ZFAND3: variants seen among roughly 807,000 people sequenced by gnomAD.
ZFAND3 encodes zinc finger AN1-type containing 3.
ZFAND3 carries 10 observed loss-of-function variants against 29.6 expected under a neutral mutation model. The observed-to-expected ratio is 0.34, with a 90% CI of 0.21 to 0.57. ZFAND3 has a LOEUF of 0.57. Ranked by LOEUF, ZFAND3 falls within the 20% of genes least tolerant of loss-of-function variation. The probability of loss-of-function intolerance (pLI) is 0.86; values close to 1 mark genes in which losing one functional copy is unlikely to be tolerated. For synonymous variants in ZFAND3, 128 were observed against 112.6 expected (o/e 1.14, Z -0.87); for missense variants, 230 against 304.5 (o/e 0.76, Z 1.82).
chr6:37,831,302 G>A (rs889617963), intron 1 of ZFAND3, among the ~76,000 whole-genome samples: 1 of 152,162 alleles, frequency 6.6e-6, no homozygotes, highest in African/African-American at 2.4e-5. Flanking sequence ...ACCTCATATG[G>A]GAAATTTGCA....
intron 2 of ZFAND3, among the ~76,000 whole-genome samples, chr6:37,965,570 C>CT (rs11294675): frequency 3.1e-4 from 46 of 148,050 alleles, no homozygotes; most frequent in African/African-American, 4.7e-4. Context: ...GGTTGTCATT[C>CT]TTTTTTTTTT....
intron 2 of ZFAND3, among the ~76,000 whole-genome samples, chr6:37,930,737 TA>T (rs1295053929): frequency 1.3e-5 from 2 of 152,222 alleles, no homozygotes; most frequent in African/African-American, 4.8e-5. Flanking sequence ...TTTTTATTTT[TA>T]CTTTTTAAAA....
intron 1 of ZFAND3, among the ~76,000 whole-genome samples, chr6:37,851,073 T>C (rs1444232395): frequency 6.7e-6 from 1 of 150,184 alleles, no homozygotes; most frequent in Non-Finnish European, 1.5e-5. Context: ...TTTGAGACAG[T>C]GTCTCGCACT....
intron 2 of ZFAND3, among the ~76,000 whole-genome samples, chr6:37,962,120 A>AGAAG (rs1219166881): frequency 3.3e-5 from 5 of 152,270 alleles, no homozygotes; most frequent in African/African-American, 1.2e-4. Context: ...AAGATAACAC[A>AGAAG]GAAGGAATTC....
At chr6:37,823,807 G>C (rs547214134) in intron 1 of ZFAND3, among the ~76,000 whole-genome samples, 1 of 151,546 alleles carries the variant, frequency 6.6e-6, no homozygotes, top group Admixed American at 6.6e-5. Context: ...TTTTTGGGGG[G>C]GGGTAGGAAG....
chr6:38,110,556 G>A (rs1402741432), intron 4 of ZFAND3, among the ~76,000 whole-genome samples: 5 of 152,166 alleles, frequency 3.3e-5, no homozygotes, highest in Admixed American at 6.5e-5. Flanking sequence ...AGGAGAAACA[G>A]CAGTGATGTG....
chr6:37,829,950 G>C (rs1326318607), intron 1 of ZFAND3, among the ~76,000 whole-genome samples: 1 of 152,184 alleles, frequency 6.6e-6, no homozygotes, highest in African/African-American at 2.4e-5. Flanking sequence ...CAAAAATCCT[G>C]ATCTGTGGAA....
intron 2 of ZFAND3, among the ~76,000 whole-genome samples, chr6:38,030,059 T>G (rs1323471446): frequency 3.2e-4 from 2 of 6,206 alleles, no homozygotes; most frequent in African/African-American, 7.8e-4. Context: ...TGGATATATA[T>G]ATATATATAT....
intron 5 of ZFAND3, among the ~76,000 whole-genome samples, chr6:38,122,247 C>T (rs1242472583): frequency 3.3e-5 from 5 of 152,152 alleles, no homozygotes; most frequent in Admixed American, 6.6e-5. Flanking sequence ...ACATAACCTA[C>T]GTACATCCTC....
intron 1 of ZFAND3, among the ~76,000 whole-genome samples, chr6:37,920,788 C>A (rs908704236): frequency 1.3e-5 from 2 of 152,156 alleles, no homozygotes; most frequent in Non-Finnish European, 2.9e-5. Flanking sequence ...ACAGTTTGGA[C>A]AGGCTGGTTG....
At chr6:37,857,098 A>G (rs892598145) in intron 1 of ZFAND3, among the ~76,000 whole-genome samples, 2 of 152,042 alleles carry the variant, frequency 1.3e-5, no homozygotes, top group Non-Finnish European at 2.9e-5. Flanking sequence ...AAACGCCACC[A>G]TGTCTGGCCT....
At chr6:37,931,544 A>G (rs1455404169) in intron 2 of ZFAND3, among the ~76,000 whole-genome samples, 1 of 105,218 alleles carries the variant, frequency 9.5e-6, no homozygotes, top group Non-Finnish European at 2.0e-5. Context: ...CTCCGTCTCA[A>G]AAAAAAAAAA....
intron 3 of ZFAND3, among the ~76,000 whole-genome samples, chr6:38,076,639 T>C (rs1764559328): frequency 6.6e-6 from 1 of 152,170 alleles, no homozygotes; most frequent in South Asian, 2.1e-4. Context: ...CTTAAAAAGT[T>C]TTGTAAATGG....
At chr6:37,886,099 G>A (rs1038612800) in intron 1 of ZFAND3, among the ~76,000 whole-genome samples, 1 of 151,782 alleles carries the variant, frequency 6.6e-6, no homozygotes, top group African/African-American at 2.4e-5. Flanking sequence ...CCAGCCGGGC[G>A]TGGAGGCAGG....
intron 2 of ZFAND3, among the ~76,000 whole-genome samples, chr6:37,995,127 TTA>T (rs1283440474): frequency 1.3e-5 from 2 of 152,206 alleles, no homozygotes; most frequent in South Asian, 4.1e-4. Context: ...AGCATATTAA[TTA>T]TATGGGTGCA....
intron 1 of ZFAND3, among the ~76,000 whole-genome samples, chr6:37,922,376 C>G (rs1308049697): frequency 6.6e-6 from 1 of 151,768 alleles, no homozygotes; most frequent in African/African-American, 2.4e-5. Context: ...AATGGATTGT[C>G]ACAGAGCAAC....
intron 4 of ZFAND3, among the ~76,000 whole-genome samples, chr6:38,088,097 T>C (rs1764793024): frequency 6.6e-6 from 1 of 152,180 alleles, no homozygotes; most frequent in African/African-American, 2.4e-5. Flanking sequence ...ATGGAAACAA[T>C]ATTCATTGGA....
At chr6:37,936,015 C>A (rs1185236847) in intron 2 of ZFAND3, among the ~76,000 whole-genome samples, 4 of 152,076 alleles carry the variant, frequency 2.6e-5, no homozygotes, top group Admixed American at 2.6e-4. Flanking sequence ...AAATCCAATT[C>A]ATGAATTTGT....
intron 2 of ZFAND3, among the ~76,000 whole-genome samples, chr6:38,037,646 C>T (rs1168801591): frequency 1.3e-5 from 2 of 152,310 alleles, no homozygotes; most frequent in African/African-American, 4.8e-5. Context: ...GAGACATAAG[C>T]AGCACTTCCA....
Sources: allele counts gnomAD v4.1 joint callset (sites outside exome capture counted in the v4.1 genomes callset), GRCh38; gene constraint gnomAD v4.1.1; transcripts MANE v1.5; gene names NCBI Gene and HGNC (gene_info 2026-07-23, HGNC 2026-07-21).